Variants in GALNT8 observed in about 807,000 individuals in gnomAD.
GALNT8 encodes the protein probable polypeptide N-acetylgalactosaminyltransferase 8.
A neutral mutation model predicts 62.7 loss-of-function variants in GALNT8; 66 were observed. The observed-to-expected ratio is 1.05, with a 90% CI of 0.86 to 1.29. The LOEUF (loss-of-function observed/expected upper bound fraction) is 1.29. Among genes scored for constraint, GALNT8 ranks in the 50% most tolerant of loss-of-function variants. The pLI is 0.00. For synonymous variants in GALNT8, 288 were observed against 294.3 expected (o/e 0.98, Z 0.22); for missense variants, 771 against 791.8 (o/e 0.97, Z 0.32).
At chr12:4,744,911 C>A (rs146767586) in intron 4 of GALNT8, among the ~76,000 whole-genome samples, 5 of 152,334 alleles carry the variant, frequency 3.3e-5, no homozygotes, top group African/African-American at 9.6e-5. Context: ...GATCATAATG[C>A]TGACTTTGCC....
At chr12:4,733,073 T>C (rs922603461) in intron 2 of GALNT8, among the ~76,000 whole-genome samples, 9 of 152,182 alleles carry the variant, frequency 5.9e-5, no homozygotes, top group African/African-American at 9.7e-5. Context: ...ACAAATACTT[T>C]TTCAGTATCT....
At position 4,720,579 on chromosome 12, in the gene GALNT8, A is replaced by G. The variant is rs561967868; in HGVS notation, c.-99A>G. 2.6e-5 allele frequency: 22 copies of G among 830,616 alleles called. No individual in the cohort carries two copies. The highest frequency in any genetic ancestry group is 1.7e-4 in the South Asian group (12 of 68,878). The allele number at this position is 830,616 out of a possible 1,614,324, so 51.5% of individuals were successfully genotyped here. Reference sequence around the variant, plus strand: ...GAGACCAACTCAACTGGCACCTAGAACTCTCTTTCCCACAAAAGCTAGGCT... The same window carrying G: ...GAGACCAACTCAACTGGCACCTAGAGCTCTCTTTCCCACAAAAGCTAGGCT... On this transcript the variant is annotated 5_prime_UTR_variant, in exon 1 of 11. Coordinates refer to ENST00000252318, the MANE Select transcript of GALNT8 (RefSeq NM_017417.2).
At position 4,745,578 on chromosome 12, in the gene GALNT8, C is replaced by T. The variant is rs199920896; in HGVS notation, c.1010C>T (p.Ala337Val). Residue 337 changes from alanine (A) to valine (V), a missense_variant, in exon 5 of 11, where the codon GCA becomes GTA. By Grantham distance (64) the Ala-to-Val change is moderately conservative (BLOSUM62 0). Coordinates refer to ENST00000252318, the MANE Select transcript of GALNT8 (RefSeq NM_017417.2). ...TGGGAACTCTGGTGCCGCTACGATG[C>T]ACTGCCACAAGCCTGGATTGATCTG... Reference protein sequence around the residue: ...FNWELWCRYDALPQAWIDLHD... With the variant: ...FNWELWCRYDVLPQAWIDLHD... 3,130 of 1,613,986 alleles carry T rather than the reference C, an allele frequency of 1.9e-3. 81 individuals carry two copies. In the South Asian group the frequency reaches 0.033, roughly 17 times the overall value.
Position 4,726,577 on chromosome 12 carries a change from GCACA to G in GALNT8, c.259_262del (p.Thr87Ter). ...CTGAGGCAACAAGAAAATGTGAACA[GCACA>G]CTGAAGAGGGCGAAAGATGAAGTAC... On this transcript the variant is annotated frameshift_variant, in exon 2 of 11. Coordinates refer to ENST00000252318, the MANE Select transcript of GALNT8 (RefSeq NM_017417.2). LOFTEE classifies it high-confidence loss of function. The surrounding 1 kb of genome is among the most constrained non-coding windows in gnomAD (Gnocchi z 4.1). The G allele has an allele frequency of 6.2e-7, 1 of 1,613,568 alleles. No individual in the cohort carries two copies. The highest frequency in any genetic ancestry group is 8.5e-7 in the Non-Finnish European group (1 of 1,179,578).
At chr12:4,727,265 C>T (rs1022512267) in intron 2 of GALNT8, among the ~76,000 whole-genome samples, 1 of 152,010 alleles carries the variant, frequency 6.6e-6, no homozygotes, top group African/African-American at 2.4e-5. Flanking sequence ...ATCCCTCTCC[C>T]TCTCCATCTG....
Sources: gnomAD v4.1 joint callset for allele counts (sites outside exome capture counted in the v4.1 genomes callset) on GRCh38, gnomAD v4.1.1 for gene constraint, Gnocchi (gnomAD v3.1) non-coding constraint, MANE v1.5 for transcripts, NCBI Gene and HGNC (gene_info 2026-07-23, HGNC 2026-07-21) for gene names.